Variants in HAS2 observed in about 807,000 individuals in gnomAD.
HAS2 encodes the protein HA synthase 2.
Under a neutral mutation model 51.6 loss-of-function variants are expected in HAS2, and 16 were observed. That is an observed-to-expected ratio of 0.31 (90% CI 0.21 to 0.47). The LOEUF (loss-of-function observed/expected upper bound fraction) is 0.47, where lower values mean the gene tolerates loss of function less well. Ranked by LOEUF, HAS2 falls within the 20% of genes least tolerant of loss-of-function variation. The pLI is 1.00. For missense variants in HAS2, 361 were observed against 662.6 expected, an observed-to-expected ratio of 0.54 and a Z score of 5.00; for synonymous variants, 228 against 235.5, an observed-to-expected ratio of 0.97 and a Z score of 0.29.
chr8:121,631,417 C>G (rs1812927044), intron 1 of HAS2, among the ~76,000 whole-genome samples: 1 of 152,068 alleles, frequency 6.6e-6, no homozygotes, highest in South Asian at 2.1e-4. Context: ...TGGTGAGGAG[C>G]AAAATGGAAC....
intron 2 of HAS2, among the ~76,000 whole-genome samples, chr8:121,626,326 A>G (rs1812852105): frequency 6.6e-6 from 1 of 152,178 alleles, no homozygotes; most frequent in African/African-American, 2.4e-5. Flanking sequence ...ATAGGCTATG[A>G]GAGCAATAAG....
chr8:121,629,462 G>C (rs776000239), intron 1 of HAS2, 122 bp from the exon 2 acceptor site: 1 of 777,578 alleles, frequency 1.3e-6, no homozygotes, highest in African/African-American at 1.7e-5. Flanking sequence ...TCAATTTCTC[G>C]CCCAACTCAT....
At chr8:121,628,488 A>G (rs781072549) in intron 2 of HAS2, among the ~76,000 whole-genome samples, 2 of 152,194 alleles carry the variant, frequency 1.3e-5, no homozygotes, top group Non-Finnish European at 2.9e-5. Context: ...TTTTTAACCA[A>G]TAACACAGCA....
Position 121,628,823 on chromosome 8 carries a change from T to A in HAS2, c.518A>T (p.Gln173Leu), listed in dbSNP as rs892400678. ...SHKESSQHVT[Q>L]LVLSNKSICI... is the part of the protein sequence containing the mutation. ...GATACTTTTGTTGGACAAGACCAAT[T>A]GCGTTACGTGTTGCGAGCTTTCTTT... Residue 173 changes from glutamine to leucine, a missense_variant, in exon 2 of 4, where the codon CAA (glutamine) becomes CTA (leucine). This residue lies in a region of HAS2 where 145 missense variants were observed against 217.6 expected (regional missense o/e 0.67). Coordinates refer to ENST00000303924, the MANE Select transcript of HAS2 (RefSeq NM_005328.3). 6.2e-7 allele frequency: 1 copy of A among 1,614,182 alleles called. No individual in the cohort carries two copies. The highest frequency in any genetic ancestry group is 8.5e-7 in the Non-Finnish European group (1 of 1,179,992).
At chr8:121,628,106 G>A (rs1009672886) in intron 2 of HAS2, among the ~76,000 whole-genome samples, 2 of 152,168 alleles carry the variant, frequency 1.3e-5, no homozygotes, top group Non-Finnish European at 2.9e-5. Context: ...TGCAGTGAGT[G>A]AGGTAATGCT....
intron 1 of HAS2, among the ~76,000 whole-genome samples, chr8:121,638,832 A>C (rs1586512355): frequency 1.3e-5 from 2 of 152,176 alleles, no homozygotes; most frequent in African/African-American, 4.8e-5. Context: ...CACACATTGG[A>C]AGGAAATAAA....
chr8:121,625,639 G>T (rs1256361784), intron 2 of HAS2, among the ~76,000 whole-genome samples: 1 of 149,008 alleles, frequency 6.7e-6, no homozygotes, highest in South Asian at 2.1e-4. Context: ...CTTCCGAGTA[G>T]CTGGGACCAG....
At chr8:121,617,708 TA>T (rs1444139546) in intron 2 of HAS2, among the ~76,000 whole-genome samples, 1 of 152,218 alleles carries the variant, frequency 6.6e-6, no homozygotes, top group Non-Finnish European at 1.5e-5. Flanking sequence ...GTAATGATTT[TA>T]CCTTTCATTT....
chr8:121,632,664 G>C (rs1435276452), intron 1 of HAS2, among the ~76,000 whole-genome samples: 3 of 152,038 alleles, frequency 2.0e-5, no homozygotes, highest in Admixed American at 6.6e-5. Flanking sequence ...CGTGTCCCAA[G>C]GACATAAAAC....
chr8:121,634,708 A>G (rs1423667811), intron 1 of HAS2, among the ~76,000 whole-genome samples: 1 of 151,918 alleles, frequency 6.6e-6, no homozygotes, highest in Admixed American at 6.6e-5. Flanking sequence ...ATGAATATGT[A>G]GTAGAGACAA....
intron 2 of HAS2, among the ~76,000 whole-genome samples, chr8:121,626,031 A>C (rs1333231863): frequency 6.6e-6 from 1 of 152,168 alleles, no homozygotes; most frequent in Non-Finnish European, 1.5e-5. Context: ...TGGAGATGAA[A>C]GCTGAGACAG....
Position 121,635,407 on chromosome 8 carries a change from G to A in HAS2, c.-1+5446C>T, listed in dbSNP as rs140366238. On this transcript the variant is annotated intron_variant, in intron 1 of 3. Transcript: ENST00000303924. ...TAGATCTTAGTGATGTTAGCTTCCT[G>A]CCAGTAACTACCTAATAACCCTGAC... is the stretch of plus-strand genomic sequence containing the variant. 4.9e-3 allele frequency among the ~76,000 whole-genome samples: 740 copies of A among 152,268 alleles called. 3 individuals carry two copies. The highest frequency in any genetic ancestry group is 8.2e-3 in the Non-Finnish European group (557 of 68,020).
chr8:121,640,444 T>TGTGTGTGTG (rs1491405607), intron 1 of HAS2, among the ~76,000 whole-genome samples: 1 of 143,266 alleles, frequency 7.0e-6, no homozygotes, highest in Non-Finnish European at 1.5e-5. Flanking sequence ...TGTGTGTGTG[T>TGTGTGTGTG]GGGAAAAAAA....
chr8:121,618,694 T>C lies in HAS2; in HGVS notation c.628-1488A>G, dbSNP rs746320772. Among the ~76,000 whole-genome samples, 42 of 152,204 alleles carry C rather than the reference T, an allele frequency of 2.8e-4. 1 individual carries two copies. Among genetic ancestry groups the C allele is most frequent in the Non-Finnish European group, 1.0e-4 (7 of 68,030 alleles). Reference sequence around the variant, plus strand: ...AAATATAAATTGATCAGAATTGTCATGTGATTAATCAGCTTGATATCCCCA... The same window carrying C: ...AAATATAAATTGATCAGAATTGTCACGTGATTAATCAGCTTGATATCCCCA... On this transcript the variant is annotated intron_variant, in intron 2 of 3. Coordinates refer to ENST00000303924, the MANE Select transcript of HAS2 (RefSeq NM_005328.3).
Position 121,614,807 on chromosome 8 carries a change from C to A in HAS2, c.961G>T (p.Val321Leu), listed in dbSNP as rs1189098970. 6.2e-7 allele frequency: 1 copy of A among 1,614,080 alleles called. No individual in the cohort carries two copies. Among genetic ancestry groups the A allele is most frequent in the Non-Finnish European group, 8.5e-7 (1 of 1,180,038 alleles). The change falls in exon 4 of 4, where the codon GTG becomes TTG. Residue 321 changes from valine to leucine, a missense_variant. Physicochemically the swap from Val to Leu is conservative, Grantham distance 32. Around this residue, in one of 5 missense-constraint regions of HAS2, gnomAD observed 106 missense variants for 241.0 expected, o/e 0.44. Coordinates refer to ENST00000303924, the MANE Select transcript of HAS2 (RefSeq NM_005328.3). This position sits in a 1 kb window ranked among gnomAD's most constrained non-coding sequence, Gnocchi z 7.2. ...FGDDRHLTNR[V>L]LSLGYATKYT... ...TTTGTTGCATAGCCCAGGCTCAGCA[C>A]CCGGTTCGTGAGATGCCTGTCATCA...
intron 1 of HAS2, among the ~76,000 whole-genome samples, chr8:121,640,529 C>A (rs1231598870): frequency 1.3e-5 from 2 of 151,894 alleles, no homozygotes; most frequent in African/African-American, 2.4e-5. Context: ...AACTCTGGAG[C>A]CCCTCTGCTG....
rs1563626057 is a variant in HAS2 at position 121,641,163 on chromosome 8, T to TTTTTTTTTTTTTTTTTTTTTTTTTC, written c.-312_-311insGAAAAAAAAAAAAAAAAAAAAAAAA. 1 of 98,228 alleles carries TTTTTTTTTTTTTTTTTTTTTTTTTC rather than the reference T, an allele frequency of 1.0e-5. No individual in the cohort carries two copies. The highest frequency in any genetic ancestry group is 1.9e-5 in the Non-Finnish European group (1 of 52,008). The allele number at this position is 98,228 out of a possible 1,614,324, so 6.1% of individuals were successfully genotyped here. ...TTTCTTTTTTCTTTTCTTTTCTTTT[T>TTTTTTTTTTTTTTTTTTTTTTTTTC]TTTTTTTTTTTTTTTTTGGGCTTCA... On this transcript the variant is annotated 5_prime_UTR_variant, in exon 1 of 4. Transcript: ENST00000303924.
rs1563626063 is a variant in HAS2, at chr8:121,641,164, T to TC, written c.-313_-312insG. On this transcript the variant is annotated 5_prime_UTR_variant, in exon 1 of 4. Coordinates refer to ENST00000303924, the MANE Select transcript of HAS2 (RefSeq NM_005328.3). ...TTCTTTTTTCTTTTCTTTTCTTTTTTTTTTTTTTTTTTTTTTGGGCTTCAG... is the reference window on the plus strand; with the variant it reads ...TTCTTTTTTCTTTTCTTTTCTTTTTTCTTTTTTTTTTTTTTTTGGGCTTCAG... The TC allele has an allele frequency of 2.6e-5, 3 of 113,748 alleles. No homozygotes were observed. Among genetic ancestry groups the TC allele is most frequent in the South Asian group, 3.3e-4 (1 of 3,036 alleles). 7.0% of individuals were successfully genotyped at this position (113,748 alleles called of 1,614,324 possible). A position where few individuals can be genotyped will look rare whatever the true frequency, so the allele number is the denominator to read the frequency against.
At chr8:121,616,127 G>A (rs1057090296) in intron 3 of HAS2, among the ~76,000 whole-genome samples, 4 of 152,092 alleles carry the variant, frequency 2.6e-5, no homozygotes, top group African/African-American at 9.6e-5. Flanking sequence ...TATTTGCAAG[G>A]GAATCTTATT....
Sources: allele counts gnomAD v4.1 joint callset (sites outside exome capture counted in the v4.1 genomes callset), GRCh38; gene constraint gnomAD v4.1.1; regional missense constraint gnomAD v4.1.1; non-coding constraint Gnocchi (gnomAD v3.1); transcripts MANE v1.5; gene names NCBI Gene and HGNC (gene_info 2026-07-23, HGNC 2026-07-21).